The following WWOX variants were observed in gnomAD, a reference collection of about 807,000 sequenced individuals.
The protein encoded by WWOX is WW domain-containing oxidoreductase.
A neutral mutation model predicts 46.2 loss-of-function variants in WWOX; 69 were observed. The observed-to-expected ratio is 1.49, with a 90% CI of 1.23 to 1.82. WWOX has a LOEUF of 1.82. Among genes scored for constraint, WWOX ranks in the 40% most tolerant of loss-of-function variants. WWOX has a pLI of 0.00. For missense variants in WWOX, 919 were observed against 542.6 expected (o/e 1.69, Z -6.89); for synonymous variants, 359 against 202.6 (o/e 1.77, Z -6.56).
intron 8 of WWOX, among the ~76,000 whole-genome samples, chr16:78,966,424 A>G (rs564502751): frequency 2.0e-5 from 3 of 152,272 alleles, no homozygotes; most frequent in Admixed American, 2.0e-4. Flanking sequence ...TGACCTTAAC[A>G]CTAAAATACC....
chr16:78,983,878 T>TC (rs1329803310), intron 8 of WWOX, among the ~76,000 whole-genome samples: 3 of 135,422 alleles, frequency 2.2e-5, no homozygotes, highest in African/African-American at 8.1e-5. Context: ...TTCTTTTTTT[T>TC]TTTTTTTTTT....
At chr16:78,105,564 GTTTGT>G (rs917603278) in intron 1 of WWOX, among the ~76,000 whole-genome samples, 20 of 152,158 alleles carry the variant, frequency 1.3e-4, no homozygotes, top group African/African-American at 3.9e-4. Context: ...GGTTGACAGA[GTTTGT>G]TTTGTTTTTT....
intron 8 of WWOX, among the ~76,000 whole-genome samples, chr16:79,032,822 A>T (rs2047791455): frequency 2.0e-5 from 3 of 151,228 alleles, no homozygotes; most frequent in Admixed American, 1.3e-4. Context: ...TATATAGGTA[A>T]ACTGGCGTGA....
chr16:78,712,232 G>T (rs1054123325), intron 8 of WWOX, among the ~76,000 whole-genome samples: 3 of 152,096 alleles, frequency 2.0e-5, no homozygotes, highest in African/African-American at 2.4e-5. Flanking sequence ...GGCTGGGCGC[G>T]GTGGCTCACA....
At chr16:78,492,760 T>C (rs1182739462) in intron 8 of WWOX, among the ~76,000 whole-genome samples, 2 of 152,216 alleles carry the variant, frequency 1.3e-5, no homozygotes, top group Non-Finnish European at 2.9e-5. Flanking sequence ...AGAATATGCA[T>C]AATCACATCA....
chr16:78,911,468 A>T (rs1414059811), intron 8 of WWOX, among the ~76,000 whole-genome samples: 1 of 152,048 alleles, frequency 6.6e-6, no homozygotes, highest in Non-Finnish European at 1.5e-5. Flanking sequence ...GATAATGGTG[A>T]AAGATTCAGA....
At chr16:78,412,214 C>T in intron 6 of WWOX, among the ~76,000 whole-genome samples, 1 of 152,068 alleles carries the variant, frequency 6.6e-6, no homozygotes, top group African/African-American at 2.4e-5. Context: ...ACATTGTTTT[C>T]CTAAGTATTT....
At chr16:79,140,386 G>A (rs147972222) in intron 8 of WWOX, among the ~76,000 whole-genome samples, 5 of 152,128 alleles carry the variant, frequency 3.3e-5, no homozygotes, top group South Asian at 2.1e-4. Context: ...CGCAGCATCC[G>A]CCAGCTCTTA....
intron 8 of WWOX, among the ~76,000 whole-genome samples, chr16:78,434,208 CA>C (rs79850825): frequency 0.09 from 13,757 of 152,104 alleles, 775 homozygotes; most frequent in East Asian, 0.2. Flanking sequence ...AGACATATTC[CA>C]AGAGTCGAAT....
At chr16:79,048,591 A>G (rs1223595658) in intron 8 of WWOX, among the ~76,000 whole-genome samples, 2 of 152,192 alleles carry the variant, frequency 1.3e-5, no homozygotes, top group Admixed American at 6.5e-5. Flanking sequence ...TGCCATTAAC[A>G]TAACGTATGC....
chr16:78,674,800 C>A (rs190423230), intron 8 of WWOX, among the ~76,000 whole-genome samples: 1 of 150,788 alleles, frequency 6.6e-6, no homozygotes. Context: ...TATTTTTAAA[C>A]AATTACTGTA....
chr16:78,801,913 A>G lies in WWOX; in HGVS notation c.1056+369161A>G, dbSNP rs62038639. On this transcript the variant is annotated intron_variant, in intron 8 of 8. Coordinates refer to ENST00000566780, the MANE Select transcript of WWOX (RefSeq NM_016373.4). ...TTAACTGGTTTTGTGATTTGGTGTAAATCGCTTAACCTCTTTCAATGTTTT... is the reference window on the plus strand; with the variant it reads ...TTAACTGGTTTTGTGATTTGGTGTAGATCGCTTAACCTCTTTCAATGTTTT... Among the ~76,000 whole-genome samples, 838 of 152,198 alleles carry G rather than the reference A, an allele frequency of 5.5e-3. 7 individuals carry two copies. The highest frequency in any genetic ancestry group is 0.019 in the South Asian group (92 of 4,816).
At chr16:78,153,928 G>T (rs970814848) in intron 4 of WWOX, among the ~76,000 whole-genome samples, 1 of 152,126 alleles carries the variant, frequency 6.6e-6, no homozygotes, top group African/African-American at 2.4e-5. Flanking sequence ...AGCTTTGTCA[G>T]TATTTGAGGG....
Position 79,027,061 on chromosome 16 carries a change from C to T in WWOX, c.1057-184547C>T, listed in dbSNP as rs529193684. Among the ~76,000 whole-genome samples, 11 of 151,620 alleles carry T rather than the reference C, an allele frequency of 7.3e-5. No individual in the cohort carries two copies. In the East Asian group the frequency reaches 1.4e-3, roughly 19 times the overall value. ...TTGGGAGGTCAAGGCAGGAGGATCACGTGAGCCCAGCAGTTCAAGACCAGC... is the reference window on the plus strand; with the variant it reads ...TTGGGAGGTCAAGGCAGGAGGATCATGTGAGCCCAGCAGTTCAAGACCAGC... On this transcript the variant is annotated intron_variant, in intron 8 of 8. Coordinates refer to ENST00000566780, the MANE Select transcript of WWOX (RefSeq NM_016373.4).
At chr16:78,915,652 C>T (rs906802852) in intron 8 of WWOX, among the ~76,000 whole-genome samples, 5 of 151,552 alleles carry the variant, frequency 3.3e-5, no homozygotes, top group Admixed American at 6.6e-5. Context: ...AAGATAGTTT[C>T]TTACCGTTTG....
intron 8 of WWOX, among the ~76,000 whole-genome samples, chr16:78,923,308 C>G (rs187833470): frequency 6.6e-6 from 1 of 152,180 alleles, no homozygotes; most frequent in Admixed American, 6.5e-5. Context: ...TCTCCTTCTA[C>G]CTTGCCCACC....
intron 8 of WWOX, among the ~76,000 whole-genome samples, chr16:79,157,214 C>G (rs1463685035): frequency 6.6e-6 from 1 of 152,006 alleles, no homozygotes; most frequent in Non-Finnish European, 1.5e-5. Flanking sequence ...CTGGATGAGC[C>G]AAAAAGACAA....
At chr16:78,513,277 C>CT (rs2085408296) in intron 8 of WWOX, among the ~76,000 whole-genome samples, 1 of 152,286 alleles carries the variant, frequency 6.6e-6, no homozygotes, top group Non-Finnish European at 1.5e-5. Flanking sequence ...AGGAGGCTCT[C>CT]TTTTCAGATG....
intron 7 of WWOX, among the ~76,000 whole-genome samples, chr16:78,432,140 C>T (rs1211708095): frequency 4.7e-5 from 7 of 148,164 alleles, no homozygotes; most frequent in Admixed American, 6.7e-5. Flanking sequence ...TTTTTTGAGA[C>T]CGAGTCTAGC....
Sources: gnomAD v4.1 joint callset for allele counts (sites outside exome capture counted in the v4.1 genomes callset) on GRCh38, gnomAD v4.1.1 for gene constraint, MANE v1.5 for transcripts, NCBI Gene and HGNC (gene_info 2026-07-23, HGNC 2026-07-21) for gene names.